The following GNAL variants were observed in gnomAD, a reference collection of about 807,000 sequenced individuals.
The protein encoded by GNAL is guanine nucleotide-binding protein G(olf) subunit alpha.
A neutral mutation model predicts 55.1 loss-of-function variants in GNAL; 18 were observed. That is an observed-to-expected ratio of 0.33 (90% CI 0.23 to 0.48). GNAL has a LOEUF of 0.48. Ranked by LOEUF, GNAL falls within the 20% of genes least tolerant of loss-of-function variation. GNAL has a pLI of 0.99. For missense variants in GNAL, 412 were observed against 614.1 expected, an observed-to-expected ratio of 0.67 and a Z score of 3.48; for synonymous variants, 253 against 237.0, an observed-to-expected ratio of 1.07 and a Z score of -0.62.
chr18:11,884,722 T>C lies in GNAL; in HGVS notation c.*3587T>C. The stretch of plus-strand genomic sequence containing the variant: ...GCAGAGGGAAGACTGCCTTCTCAGG[T>C]CCCCCTCAGGTGAGGCAGGGAACGG... On this transcript the variant is annotated 3_prime_UTR_variant, in exon 12 of 12. Coordinates refer to ENST00000334049, the MANE Select transcript of GNAL (RefSeq NM_182978.4). The C allele has an allele frequency of 3.6e-6, 5 of 1,400,040 alleles. No individual in the cohort carries two copies. Among genetic ancestry groups the C allele is most frequent in the Non-Finnish European group, 4.9e-6 (5 of 1,019,824 alleles). The allele number at this position is 1,400,040 out of a possible 1,614,324, so 86.7% of individuals were successfully genotyped here.
chr18:11,833,052 T>C (rs932140526), intron 5 of GNAL, among the ~76,000 whole-genome samples: 1 of 151,774 alleles, frequency 6.6e-6, no homozygotes, highest in Non-Finnish European at 1.5e-5. Flanking sequence ...AGATTTTTTT[T>C]TTTTCGAGTC....
intron 4 of GNAL, 41 bp downstream of exon 4, chr18:11,753,986 G>T (rs1454285791): frequency 4.7e-6 from 7 of 1,474,828 alleles, no homozygotes; most frequent in Non-Finnish European, 6.6e-6. Context: ...AGTGAAAGAT[G>T]GAACCATTTT....
intron 4 of GNAL, among the ~76,000 whole-genome samples, chr18:11,818,088 C>G (rs1318482158): frequency 6.6e-6 from 1 of 151,252 alleles, no homozygotes; most frequent in Non-Finnish European, 1.5e-5. Flanking sequence ...AAAAAATTAG[C>G]CGGGTGTGGT....
chr18:11,731,094 G>C lies in GNAL; in HGVS notation c.377-21759G>C, dbSNP rs765498190. Among the ~76,000 whole-genome samples the C allele has an allele frequency of 4.6e-5, 7 of 152,280 alleles. No individual in the cohort carries two copies. In the South Asian group the frequency reaches 1.5e-3, roughly 32 times the overall value. ...TTGTGCCTAAACTCCAAAAAGAATG[G>C]GGTATGAGGTGTGTCTGACTTCCCT... On this transcript the variant is annotated intron_variant, in intron 1 of 11. Transcript: ENST00000334049.
intron 5 of GNAL, among the ~76,000 whole-genome samples, chr18:11,829,544 C>T (rs576720587): frequency 6.6e-6 from 1 of 152,300 alleles, no homozygotes; most frequent in South Asian, 2.1e-4. Context: ...AAAGAAAGGA[C>T]ATTTCAAAAT....
intron 4 of GNAL, among the ~76,000 whole-genome samples, chr18:11,767,892 C>A (rs116949094): frequency 0.029 from 4,423 of 152,184 alleles, 101 homozygotes; most frequent in Middle Eastern, 0.051. Flanking sequence ...GTGTAGATGT[C>A]CTTATTTAAA....
At chr18:11,713,369 C>T (rs764824431) in intron 1 of GNAL, among the ~76,000 whole-genome samples, 5 of 152,200 alleles carry the variant, frequency 3.3e-5, no homozygotes, top group Non-Finnish European at 7.3e-5. Context: ...GCAAAGGGGA[C>T]ATCCCATGCA....
intron 4 of GNAL, among the ~76,000 whole-genome samples, chr18:11,758,699 T>C (rs975053164): frequency 6.6e-5 from 10 of 152,216 alleles, no homozygotes; most frequent in Non-Finnish European, 1.5e-4. Flanking sequence ...TTCTCATGAA[T>C]ACACCCAAAG....
intron 4 of GNAL, among the ~76,000 whole-genome samples, chr18:11,806,946 C>A (rs146711372): frequency 6.6e-6 from 1 of 151,956 alleles, no homozygotes; most frequent in African/African-American, 2.4e-5. Flanking sequence ...GTATTACAGG[C>A]GTGAGTCATC....
chr18:11,755,278 T>TTTG (rs1443388910), intron 4 of GNAL, among the ~76,000 whole-genome samples: 7 of 151,614 alleles, frequency 4.6e-5, no homozygotes, highest in African/African-American at 1.7e-4. Flanking sequence ...TGTTTCTTCG[T>TTTG]TTGTTTGTTT....
At chr18:11,833,326 C>T (rs1465661203) in intron 5 of GNAL, among the ~76,000 whole-genome samples, 3 of 152,054 alleles carry the variant, frequency 2.0e-5, no homozygotes, top group Admixed American at 6.6e-5. Flanking sequence ...CACTGTGCCC[C>T]GCCTCTCAGA....
chr18:11,842,135 G>T (rs2035629881), intron 5 of GNAL, among the ~76,000 whole-genome samples: 1 of 151,830 alleles, frequency 6.6e-6, no homozygotes, highest in Non-Finnish European at 1.5e-5. Context: ...ATCATGCCCA[G>T]TTAATTTTGT....
intron 4 of GNAL, among the ~76,000 whole-genome samples, chr18:11,821,501 C>T (rs2035088503): frequency 6.6e-6 from 1 of 152,130 alleles, no homozygotes; most frequent in African/African-American, 2.4e-5. Flanking sequence ...GTACCCTCGA[C>T]AAAATAAGAA....
At chr18:11,717,681 C>T (rs1032809775) in intron 1 of GNAL, among the ~76,000 whole-genome samples, 3 of 152,142 alleles carry the variant, frequency 2.0e-5, no homozygotes, top group Non-Finnish European at 4.4e-5. Flanking sequence ...CCTTAGCAAA[C>T]TAACGTAGGA....
At chr18:11,811,722 T>C (rs1424435601) in intron 4 of GNAL, among the ~76,000 whole-genome samples, 1 of 152,212 alleles carries the variant, frequency 6.6e-6, no homozygotes, top group Non-Finnish European at 1.5e-5. Flanking sequence ...TGCTTTAAAT[T>C]TAACCTTGTT....
intron 4 of GNAL, among the ~76,000 whole-genome samples, chr18:11,802,713 A>G (rs2034551659): frequency 6.6e-6 from 1 of 152,198 alleles, no homozygotes; most frequent in Non-Finnish European, 1.5e-5. Context: ...ACAAACCAAT[A>G]AGAAAATCAG....
In GNAL at chr18:11,868,393, G is replaced by A. The variant is rs1376737837; in HGVS notation, c.911-150G>A. The A allele has an allele frequency of 3.3e-6, 2 of 610,002 alleles. No homozygotes were observed. Among genetic ancestry groups the A allele is most frequent in the South Asian group, 2.4e-5 (1 of 41,110 alleles). 37.8% of individuals were successfully genotyped at this position (610,002 alleles called of 1,614,324 possible). On this transcript the variant is annotated intron_variant, in intron 8 of 11. Transcript: ENST00000334049. The surrounding 1 kb of genome is among the most constrained non-coding windows in gnomAD (Gnocchi z 4.0). ...GCGTTACTGAAGCAACCAGTGGTGC[G>A]CGGCGCACCTGCAGGCTGTTCTGTG...
intron 1 of GNAL, among the ~76,000 whole-genome samples, chr18:11,733,273 T>A (rs781625223): frequency 6.6e-6 from 1 of 152,208 alleles, no homozygotes; most frequent in South Asian, 2.1e-4. Flanking sequence ...ACAGCTGTCA[T>A]GTGTGAAGCT....
chr18:11,831,653 C>T (rs1168647113), intron 5 of GNAL, among the ~76,000 whole-genome samples: 1 of 152,238 alleles, frequency 6.6e-6, no homozygotes, highest in Non-Finnish European at 1.5e-5. Context: ...TCAACTTTGC[C>T]ATCCCTGTTT....
Sources: gnomAD v4.1 joint callset for allele counts (sites outside exome capture counted in the v4.1 genomes callset) on GRCh38, gnomAD v4.1.1 for gene constraint, Gnocchi (gnomAD v3.1) non-coding constraint, MANE v1.5 for transcripts, NCBI Gene and HGNC (gene_info 2026-07-23, HGNC 2026-07-21) for gene names.